The following RERE variants were observed in gnomAD, a reference collection of about 807,000 sequenced individuals.
RERE encodes the protein arginine-glutamic acid dipeptide repeats protein.
Under a neutral mutation model 146.1 loss-of-function variants are expected in RERE, and 40 were observed. The ratio of observed to expected loss-of-function variants is 0.27; its 90% CI spans 0.21 to 0.36. The LOEUF (loss-of-function observed/expected upper bound fraction) is 0.36. RERE is among the 10% of genes least tolerant of loss of function. RERE has a pLI of 1.00. For synonymous variants in RERE, 1,003 were observed against 866.0 expected, an observed-to-expected ratio of 1.16 and a Z score of -2.78; for missense variants, 1,933 against 2,138.7, an observed-to-expected ratio of 0.90 and a Z score of 1.90.
chr1:8,511,699 A>T (rs1245624252), intron 7 of RERE: 1 of 151,980 alleles, frequency 6.6e-6, no homozygotes, highest in East Asian at 1.9e-4. Flanking sequence ...ATCTGGATCC[A>T]CCGAGCAATC....
chr1:8,358,173 A>G, intron 20 of RERE, 23 bp downstream of exon 20: 1 of 1,568,630 alleles, frequency 6.4e-7, no homozygotes, highest in Non-Finnish European at 8.7e-7. Context: ...CCTCTGTCCC[A>G]CCTGCCACGC....
At chr1:8,446,675 ATTTCT>A (rs756189690) in intron 11 of RERE, among the ~76,000 whole-genome samples, 3 of 151,552 alleles carry the variant, frequency 2.0e-5, no homozygotes, top group South Asian at 2.1e-4. Flanking sequence ...GGCTTTGTTC[ATTTCT>A]TTTCTTTTCT....
intron 2 of RERE, among the ~76,000 whole-genome samples, chr1:8,629,986 A>G (rs920828450): frequency 6.6e-6 from 1 of 152,174 alleles, no homozygotes; most frequent in African/African-American, 2.4e-5. Context: ...GTTGACTCTC[A>G]GGACTGCACC....
chr1:8,600,538 T>TA (rs1646609197), intron 4 of RERE, among the ~76,000 whole-genome samples: 1 of 152,082 alleles, frequency 6.6e-6, no homozygotes, highest in African/African-American at 2.4e-5. Flanking sequence ...ACAATGCCAG[T>TA]AACAAAAGAA....
At chr1:8,666,004 C>T (rs1047108470) in intron 1 of RERE, among the ~76,000 whole-genome samples, 2 of 152,160 alleles carry the variant, frequency 1.3e-5, no homozygotes, top group South Asian at 2.1e-4. Flanking sequence ...ACTCACACAA[C>T]TATGTGTGAG....
chr1:8,572,433 C>T (rs760538378), intron 4 of RERE, among the ~76,000 whole-genome samples: 2 of 152,200 alleles, frequency 1.3e-5, no homozygotes, highest in Non-Finnish European at 2.9e-5. Flanking sequence ...GAGAATACTA[C>T]AGACAGGAAT....
At chr1:8,483,582 A>T (rs2124189503) in intron 10 of RERE, among the ~76,000 whole-genome samples, 1 of 152,364 alleles carries the variant, frequency 6.6e-6, no homozygotes. Context: ...ATCAAGTGTG[A>T]TATGAACTTG....
At chr1:8,651,388 C>T (rs979208272) in intron 2 of RERE, among the ~76,000 whole-genome samples, 3 of 152,044 alleles carry the variant, frequency 2.0e-5, no homozygotes, top group Middle Eastern at 3.4e-3. Flanking sequence ...CCAGTCTGAG[C>T]GACAGAGTGA....
At chr1:8,628,814 C>T (rs554281452) in intron 2 of RERE, among the ~76,000 whole-genome samples, 67 of 152,098 alleles carry the variant, frequency 4.4e-4, no homozygotes, top group Non-Finnish European at 8.8e-4. Context: ...AATGATTTGG[C>T]AAGATTTTCA....
intron 11 of RERE, 55 bp from the exon 12 acceptor site, chr1:8,422,862 A>T: frequency 8.0e-7 from 1 of 1,250,582 alleles, no homozygotes; most frequent in South Asian, 1.2e-5. Flanking sequence ...ACAGGATGTC[A>T]GCAAAGCAAA....
chr1:8,481,619 A>C (rs1234605094), intron 10 of RERE, among the ~76,000 whole-genome samples: 1 of 152,340 alleles, frequency 6.6e-6, no homozygotes, highest in South Asian at 2.1e-4. Context: ...CTAGCATATA[A>C]ATACTCAAAC....
At chr1:8,673,003 A>G (rs1638751897) in intron 1 of RERE, among the ~76,000 whole-genome samples, 2 of 152,222 alleles carry the variant, frequency 1.3e-5, no homozygotes, top group Non-Finnish European at 2.9e-5. Flanking sequence ...AGATGGAGGG[A>G]AGAAAAGGTT....
At chr1:8,614,939 GGT>G (rs1646833817) in intron 3 of RERE, among the ~76,000 whole-genome samples, 1 of 152,154 alleles carries the variant, frequency 6.6e-6, no homozygotes, top group Non-Finnish European at 1.5e-5. Flanking sequence ...AAAGCAGTAT[GGT>G]GTGTGCCCCT....
chr1:8,796,549 G>C (rs1464693786), intron 1 of RERE: 1 of 149,670 alleles, frequency 6.7e-6, no homozygotes, highest in Non-Finnish European at 1.5e-5. Flanking sequence ...GAGGGAAAAA[G>C]AGGAGATACT....
intron 11 of RERE, among the ~76,000 whole-genome samples, chr1:8,446,366 GGCTTCCCTTT>G (rs1490441684): frequency 6.6e-6 from 1 of 151,080 alleles, no homozygotes; most frequent in Non-Finnish European, 1.5e-5. Flanking sequence ...ATCTGATATG[GGCTTCCCTTT>G]GTGGGTAACC....
At chr1:8,387,882 C>T (rs1427884066) in intron 12 of RERE, among the ~76,000 whole-genome samples, 1 of 152,194 alleles carries the variant, frequency 6.6e-6, no homozygotes, top group Non-Finnish European at 1.5e-5. Flanking sequence ...ATACGCATAC[C>T]TGTAACTCAA....
chr1:8,589,005 T>C (rs1646460236), intron 4 of RERE, among the ~76,000 whole-genome samples: 1 of 151,624 alleles, frequency 6.6e-6, no homozygotes, highest in South Asian at 2.1e-4. Context: ...GCACCTGTAA[T>C]CCCAGCTACT....
intron 7 of RERE, among the ~76,000 whole-genome samples, chr1:8,540,258 G>A (rs1229495185): frequency 6.6e-6 from 1 of 151,934 alleles, no homozygotes; most frequent in Non-Finnish European, 1.5e-5. Context: ...ACCACGTCCA[G>A]TTAATTTTTA....
Position 8,465,931 on chromosome 1 carries a change from G to A in RERE, c.1197C>T (p.Asp399=), listed in dbSNP as rs777401751. The A allele has an allele frequency of 2.0e-5, 33 of 1,613,868 alleles. No individual in the cohort carries two copies. The highest frequency in any genetic ancestry group is 1.8e-4 in the Admixed American group (11 of 60,004). ...AATGCTGGTTCCTGCTCACCACTTCGTCCTCGGTCCAGCACTTCTCGATGA... is the reference window on the plus strand; with the variant it reads ...AATGCTGGTTCCTGCTCACCACTTCATCCTCGGTCCAGCACTTCTCGATGA... ...PKLIEKCWTE[D]EVKRFVKGLR... The change falls in exon 11 of 23, where the codon GAC becomes GAT. Residue 399 remains aspartate (D), a synonymous_variant. Transcript: ENST00000400908.
Sources: allele counts gnomAD v4.1 joint callset (sites outside exome capture counted in the v4.1 genomes callset), GRCh38; gene constraint gnomAD v4.1.1; transcripts MANE v1.5; gene names NCBI Gene and HGNC (gene_info 2026-07-23, HGNC 2026-07-21).